TMEM132B: variants seen among roughly 807,000 people sequenced by gnomAD.
TMEM132B encodes the protein transmembrane protein 132B.
Under a neutral mutation model 90.8 loss-of-function variants are expected in TMEM132B, and 18 were observed. The observed-to-expected ratio is 0.20, with a 90% CI of 0.14 to 0.29. The LOEUF is 0.29. Ranked by LOEUF, TMEM132B falls within the 10% of genes least tolerant of loss-of-function variation. The probability of loss-of-function intolerance (pLI) is 1.00; values close to 1 mark genes in which losing one functional copy is unlikely to be tolerated. For missense variants in TMEM132B, 1,096 were observed against 1,326.8 expected, an observed-to-expected ratio of 0.83 and a Z score of 2.70; for synonymous variants, 504 against 523.3, an observed-to-expected ratio of 0.96 and a Z score of 0.50.
chr12:125,506,818 G>T (rs1228278085), intron 3 of TMEM132B, among the ~76,000 whole-genome samples: 1 of 152,184 alleles, frequency 6.6e-6, no homozygotes, highest in Non-Finnish European at 1.5e-5. Flanking sequence ...CAGGGATTGG[G>T]TCTTATATCT....
chr12:125,477,079 T>C (rs1160289005), intron 3 of TMEM132B, among the ~76,000 whole-genome samples: 1 of 152,184 alleles, frequency 6.6e-6, no homozygotes, highest in Non-Finnish European at 1.5e-5. Flanking sequence ...AGGAAAACAT[T>C]ACTGCAATTC....
rs1875726916 is a variant in TMEM132B at position 125,298,492 on chromosome 12, G to A, written c.68-50960G>A. ...GGTTCGAGAGCAGCCTGGCCAACGTGGTGAAACCCCGTCTCAAACAAAAAT... is the reference window on the plus strand; with the variant it reads ...GGTTCGAGAGCAGCCTGGCCAACGTAGTGAAACCCCGTCTCAAACAAAAAT... On this transcript the variant is annotated intron_variant, in intron 1 of 8. Transcript: ENST00000682704. Among the ~76,000 whole-genome samples the A allele has an allele frequency of 2.0e-5, 3 of 151,464 alleles. No homozygotes were observed. In the South Asian group the frequency reaches 6.3e-4, roughly 32 times the overall value.
At chr12:125,259,776 C>T (rs567809966) in intron 1 of TMEM132B, among the ~76,000 whole-genome samples, 11 of 152,108 alleles carry the variant, frequency 7.2e-5, no homozygotes, top group South Asian at 2.1e-4. Flanking sequence ...CTTAATGCTG[C>T]GGTTAAGGTT....
At chr12:125,350,439 A>G (rs1566010328) in intron 2 of TMEM132B, 96 bp downstream of exon 2, 5 of 1,370,756 alleles carry the variant, frequency 3.6e-6, no homozygotes, top group East Asian at 2.3e-5. Flanking sequence ...TTTGCTGACT[A>G]TTGTCAAAAA....
In TMEM132B at chr12:125,520,439, G is replaced by C. The variant is rs572126696; in HGVS notation, c.1293+814G>C. On this transcript the variant is annotated intron_variant, in intron 4 of 8. Transcript: ENST00000682704. ...GTGCTTTTGATCATTCATCATGCAA[G>C]TTAAACAACAAAGTTGAGACTCCTT... Among the ~76,000 whole-genome samples, 114 of 152,300 alleles carry C rather than the reference G, an allele frequency of 7.5e-4. 1 individual carries two copies. Among genetic ancestry groups the C allele is most frequent in the African/African-American group, 2.5e-3 (102 of 41,556 alleles).
intron 5 of TMEM132B, among the ~76,000 whole-genome samples, chr12:125,612,283 G>C (rs907281508): frequency 4.0e-5 from 6 of 151,890 alleles, no homozygotes; most frequent in Non-Finnish European, 8.8e-5. Context: ...AGACGAGCCT[G>C]ACCAACTTGG....
intron 3 of TMEM132B, among the ~76,000 whole-genome samples, chr12:125,451,482 CAAT>C (rs1881150009): frequency 6.6e-6 from 1 of 152,094 alleles, no homozygotes; most frequent in African/African-American, 2.4e-5. Flanking sequence ...AAAATATTGA[CAAT>C]AAATGAATCT....
At chr12:125,527,075 TATCCACCC>T (rs1164680660) in intron 4 of TMEM132B, among the ~76,000 whole-genome samples, 423 of 70,992 alleles carry the variant, frequency 6.0e-3, no homozygotes, top group South Asian at 0.014. Flanking sequence ...TTTACCCTTC[TATCCACCC>T]ATCCACCCAT....
At chr12:125,444,952 T>G (rs1378964916) in intron 3 of TMEM132B, among the ~76,000 whole-genome samples, 1 of 152,130 alleles carries the variant, frequency 6.6e-6, no homozygotes. Flanking sequence ...CGGAAGGCAA[T>G]TCTTTGCAAC....
chr12:125,534,894 C>T (rs1319497960), intron 4 of TMEM132B, among the ~76,000 whole-genome samples: 1 of 152,186 alleles, frequency 6.6e-6, no homozygotes, highest in South Asian at 2.1e-4. Context: ...GCACATGCCA[C>T]ATTTCAAGTG....
At chr12:125,234,734 T>TG (rs1565980587) in intron 1 of TMEM132B, among the ~76,000 whole-genome samples, 2 of 152,214 alleles carry the variant, frequency 1.3e-5, no homozygotes, top group East Asian at 3.9e-4. Context: ...AGGTTCTGTG[T>TG]GTCACCAGAC....
intron 4 of TMEM132B, among the ~76,000 whole-genome samples, chr12:125,553,340 G>C (rs1002151965): frequency 1.3e-5 from 2 of 152,314 alleles, no homozygotes; most frequent in Admixed American, 6.5e-5. Context: ...AGAGGAAAAG[G>C]AACAAAGAGC....
chr12:125,505,573 C>T (rs1260941938), intron 3 of TMEM132B, among the ~76,000 whole-genome samples: 2 of 151,930 alleles, frequency 1.3e-5, no homozygotes, highest in Non-Finnish European at 2.9e-5. Context: ...GTGGTGCATG[C>T]CTGTAATCCC....
intron 4 of TMEM132B, among the ~76,000 whole-genome samples, chr12:125,524,414 G>A (rs896523524): frequency 5.3e-5 from 8 of 152,200 alleles, no homozygotes; most frequent in African/African-American, 1.9e-4. Context: ...GTGGCAGTGA[G>A]ATATTTTGGT....
At chr12:125,257,895 G>A (rs1874476284) in intron 1 of TMEM132B, among the ~76,000 whole-genome samples, 1 of 152,144 alleles carries the variant, frequency 6.6e-6, no homozygotes. Context: ...GTGAGGCCCT[G>A]GCTACACCTT....
intron 1 of TMEM132B, among the ~76,000 whole-genome samples, chr12:125,203,996 A>T (rs900951345): frequency 1.3e-5 from 2 of 152,258 alleles, no homozygotes; most frequent in African/African-American, 2.4e-5. Context: ...GGAATAACAG[A>T]TGCCCAAAGC....
intron 3 of TMEM132B, among the ~76,000 whole-genome samples, chr12:125,437,508 A>T (rs554793485): frequency 6.6e-6 from 1 of 152,316 alleles, no homozygotes; most frequent in Admixed American, 6.5e-5. Context: ...AGGAACTGCC[A>T]AACTGTTTTT....
At chr12:125,212,369 G>T (rs980578159) in intron 1 of TMEM132B, among the ~76,000 whole-genome samples, 4 of 151,998 alleles carry the variant, frequency 2.6e-5, no homozygotes, top group Admixed American at 6.6e-5. Context: ...TAGAGACAGG[G>T]TCTTGCTATA....
At chr12:125,284,690 T>C (rs34811979) in intron 1 of TMEM132B, among the ~76,000 whole-genome samples, 47,448 of 152,142 alleles carry the variant, frequency 0.31, 8,037 homozygotes, top group Non-Finnish European at 0.37. Flanking sequence ...TTTTATTTGC[T>C]GTTATAAACG....
Sources: allele counts gnomAD v4.1 joint callset (sites outside exome capture counted in the v4.1 genomes callset), GRCh38; gene constraint gnomAD v4.1.1; transcripts MANE v1.5; gene names NCBI Gene and HGNC (gene_info 2026-07-23, HGNC 2026-07-21).